The following FMN2 variants were observed in gnomAD, a reference collection of about 807,000 sequenced individuals.
FMN2 encodes the protein formin-2.
FMN2 carries 51 observed loss-of-function variants against 142.3 expected under a neutral mutation model. That is an observed-to-expected ratio of 0.36 (90% CI 0.29 to 0.45). The LOEUF (loss-of-function observed/expected upper bound fraction) is 0.45. Ranked by LOEUF, FMN2 falls within the 20% of genes least tolerant of loss-of-function variation. The probability of loss-of-function intolerance (pLI) is 1.00; values close to 1 mark genes in which losing one functional copy is unlikely to be tolerated. For synonymous variants in FMN2, 882 were observed against 869.8 expected (o/e 1.01, Z -0.25); for missense variants, 1,936 against 2,122.8 (o/e 0.91, Z 1.73).
intron 15 of FMN2, among the ~76,000 whole-genome samples, chr1:240,432,664 G>A (rs183106333): frequency 5.3e-5 from 8 of 151,816 alleles, no homozygotes; most frequent in Admixed American, 3.3e-4. Flanking sequence ...TTTGTATCCC[G>A]TATATTTTGA....
At position 240,390,527 on chromosome 1, in the gene FMN2, G is replaced by T. The variant is rs1673571060; in HGVS notation, c.4859-1984G>T. On this transcript the variant is annotated intron_variant, in intron 14 of 17. Transcript: ENST00000319653. The stretch of plus-strand genomic sequence containing the variant: ...TTTAGGAGCTTATGCTTTTTGAAAA[G>T]CTGTATGTGTTTTCTTTATTGAATA... 2.6e-5 allele frequency among the ~76,000 whole-genome samples: 4 copies of T among 152,272 alleles called. No individual in the cohort carries two copies. The South Asian group carries it at 8.3e-4, about 32-fold the overall frequency.
chr1:240,455,238 A>C (rs1676199531), intron 16 of FMN2, among the ~76,000 whole-genome samples: 1 of 151,866 alleles, frequency 6.6e-6, no homozygotes. Flanking sequence ...ATTAATAATT[A>C]TTAAAAGCGA....
intron 2 of FMN2, among the ~76,000 whole-genome samples, chr1:240,133,356 A>T (rs925683634): frequency 6.6e-6 from 1 of 152,228 alleles, no homozygotes; most frequent in African/African-American, 2.4e-5. Flanking sequence ...TTTTTAATAG[A>T]GGTGGGGTCT....
At chr1:240,268,916 G>A (rs1668901223) in intron 7 of FMN2, among the ~76,000 whole-genome samples, 1 of 151,840 alleles carries the variant, frequency 6.6e-6, no homozygotes, top group Non-Finnish European at 1.5e-5. Flanking sequence ...TTATTGAGTA[G>A]TTTGTTATAT....
At chr1:240,249,321 T>C (rs969846404) in intron 6 of FMN2, among the ~76,000 whole-genome samples, 1 of 152,228 alleles carries the variant, frequency 6.6e-6, no homozygotes, top group African/African-American at 2.4e-5. Flanking sequence ...CATATAGATA[T>C]CCAATTTTTC....
chr1:240,363,893 G>A (rs999361044), intron 14 of FMN2, among the ~76,000 whole-genome samples: 3 of 152,132 alleles, frequency 2.0e-5, no homozygotes, highest in African/African-American at 7.2e-5. Context: ...GGCTGCAGGA[G>A]CAAGCCTGGG....
intron 4 of FMN2, among the ~76,000 whole-genome samples, chr1:240,199,452 GA>G (rs1666048454): frequency 6.6e-6 from 1 of 152,204 alleles, no homozygotes; most frequent in South Asian, 2.1e-4. Context: ...CTTCTTTTTT[GA>G]CAGTTGTAAC....
At chr1:240,448,756 G>A (rs1675907477) in intron 16 of FMN2, among the ~76,000 whole-genome samples, 1 of 152,132 alleles carries the variant, frequency 6.6e-6, no homozygotes, top group Non-Finnish European at 1.5e-5. Context: ...GGGAGGTTGA[G>A]GCAGCAGTGA....
chr1:240,387,743 A>G (rs913026649), intron 14 of FMN2, among the ~76,000 whole-genome samples: 7 of 152,202 alleles, frequency 4.6e-5, no homozygotes, highest in African/African-American at 1.4e-4. Context: ...AATATGTGAG[A>G]TTCCTACAAT....
chr1:240,153,961 C>A (rs1299162832), intron 2 of FMN2, among the ~76,000 whole-genome samples: 1 of 151,680 alleles, frequency 6.6e-6, no homozygotes, highest in African/African-American at 2.4e-5. Context: ...ACTGAAAATA[C>A]AAAAATCAGC....
At chr1:240,216,981 A>G (rs1346303436) in intron 6 of FMN2, among the ~76,000 whole-genome samples, 1 of 152,154 alleles carries the variant, frequency 6.6e-6, no homozygotes, top group African/African-American at 2.4e-5. Context: ...ATGTGTAATA[A>G]CGACAGGAAA....
Position 240,370,134 on chromosome 1 carries a change from G to A in FMN2, c.4858+14226G>A, listed in dbSNP as rs61139346. 1.3e-3 allele frequency among the ~76,000 whole-genome samples: 192 copies of A among 152,234 alleles called. 1 individual carries two copies. In the East Asian group the frequency reaches 0.032, roughly 26 times the overall value. On this transcript the variant is annotated intron_variant, in intron 14 of 17. Coordinates refer to ENST00000319653, the MANE Select transcript of FMN2 (RefSeq NM_020066.5). ...AGGTTGCTAGGTTTAGCGATGTCCT[G>A]AGGAAGTTCTGGCTTGCACCTCTTT...
At chr1:240,328,167 A>AAAAGAAAG (rs1553363672) in intron 8 of FMN2, among the ~76,000 whole-genome samples, 15 of 141,164 alleles carry the variant, frequency 1.1e-4, no homozygotes, top group African/African-American at 4.0e-4. Context: ...AAAAAAAAAA[A>AAAAGAAAG]AAAAAGAAAA....
chr1:240,300,864 G>A (rs1670173720), intron 8 of FMN2, among the ~76,000 whole-genome samples: 1 of 147,748 alleles, frequency 6.8e-6, no homozygotes. Context: ...TATTTAAATA[G>A]CTATTCTATT....
intron 7 of FMN2, among the ~76,000 whole-genome samples, chr1:240,260,668 T>C (rs557850917): frequency 2.6e-5 from 4 of 152,310 alleles, no homozygotes; most frequent in South Asian, 4.1e-4. Flanking sequence ...CTGTCAGATG[T>C]ATAGATTGTG....
intron 14 of FMN2, among the ~76,000 whole-genome samples, chr1:240,391,267 C>T (rs1005846130): frequency 2.1e-4 from 32 of 152,216 alleles, no homozygotes; most frequent in African/African-American, 7.7e-4. Flanking sequence ...AGAGTGGCAA[C>T]GTGACACTGG....
chr1:240,402,015 G>A (rs1207910465), intron 15 of FMN2, among the ~76,000 whole-genome samples: 1 of 152,202 alleles, frequency 6.6e-6, no homozygotes, highest in Non-Finnish European at 1.5e-5. Context: ...CTTCAAGTGT[G>A]GCTCCTAAGA....
intron 14 of FMN2, among the ~76,000 whole-genome samples, chr1:240,388,363 C>T (rs1199595753): frequency 6.6e-6 from 1 of 151,656 alleles, no homozygotes; most frequent in Non-Finnish European, 1.5e-5. Context: ...TACTGCAATT[C>T]AGTGGCTGCA....
chr1:240,164,928 T>C (rs1031161392), intron 2 of FMN2, among the ~76,000 whole-genome samples: 3 of 152,184 alleles, frequency 2.0e-5, no homozygotes, highest in South Asian at 2.1e-4. Context: ...ACTCCAATTA[T>C]ACATAAGTTA....
Sources: gnomAD v4.1 joint callset for allele counts (sites outside exome capture counted in the v4.1 genomes callset) on GRCh38, gnomAD v4.1.1 for gene constraint, MANE v1.5 for transcripts, NCBI Gene and HGNC (gene_info 2026-07-23, HGNC 2026-07-21) for gene names.